TBCD: variants seen among roughly 807,000 people sequenced by gnomAD.
TBCD encodes the protein tubulin folding cofactor D.
Under a neutral mutation model 169.3 loss-of-function variants are expected in TBCD, and 105 were observed. That is an observed-to-expected ratio of 0.62 (90% CI 0.53 to 0.73). The LOEUF is 0.73. Ranked by LOEUF, TBCD falls within the 30% of genes least tolerant of loss-of-function variation. TBCD has a pLI of 0.00. For missense variants in TBCD, 1,444 were observed against 1,600.1 expected (o/e 0.90, Z 1.66); for synonymous variants, 700 against 643.9 (o/e 1.09, Z -1.32).
intron 13 of TBCD, among the ~76,000 whole-genome samples, chr17:82,847,333 A>G (rs2145579295): frequency 6.7e-6 from 1 of 150,004 alleles, no homozygotes; most frequent in African/African-American, 2.5e-5. Context: ...AGCCTGGGCA[A>G]CAGAGCGAGA....
At position 82,908,272 on chromosome 17, in the gene TBCD, G is replaced by A. The variant is rs777594084; in HGVS notation, c.1983+451G>A. ...TGGTGGAGTTGGGGGCACACAGAAC[G>A]AGCACAGAAGCCTCTGGTTTCCAGC... On this transcript the variant is annotated intron_variant, in intron 21 of 38. Coordinates refer to ENST00000355528, the MANE Select transcript of TBCD (RefSeq NM_005993.5). 9.2e-5 allele frequency: 42 copies of A among 456,534 alleles called. 1 individual carries two copies. The highest frequency in any genetic ancestry group is 6.5e-4 in the South Asian group (42 of 64,502). The allele number at this position is 456,534 out of a possible 1,614,324, so 28.3% of individuals were successfully genotyped here.
At chr17:82,921,246 C>A in intron 24 of TBCD, 1 of 539,328 alleles carries the variant, frequency 1.9e-6, no homozygotes, top group Non-Finnish European at 3.3e-6. Context: ...AAAAGTTTCC[C>A]AAAATGTGAT....
intron 20 of TBCD, 95 bp downstream of exon 20, chr17:82,906,148 C>A: frequency 4.1e-6 from 4 of 984,086 alleles, no homozygotes; most frequent in East Asian, 2.7e-5. Flanking sequence ...TCTCTCATCC[C>A]TTCTCATTTT....
rs574723455 is a variant in TBCD, at chr17:82,872,498, G to A, written c.1475+2118G>A. On this transcript the variant is annotated intron_variant, in intron 14 of 38. Transcript: ENST00000355528. Reference sequence around the variant, plus strand: ...CCTGCCGAGCTCCTGAGGCCCTGCCGCGTGCCTGTGCCAGCCTGCAGCGCT... The same window carrying A: ...CCTGCCGAGCTCCTGAGGCCCTGCCACGTGCCTGTGCCAGCCTGCAGCGCT... Among the ~76,000 whole-genome samples, 19 of 152,164 alleles carry A rather than the reference G, an allele frequency of 1.2e-4. No homozygotes were observed. The South Asian group carries it at 3.7e-3, about 30-fold the overall frequency.
At chr17:82,769,395 C>T (rs2048188692) in intron 5 of TBCD, among the ~76,000 whole-genome samples, 1 of 152,184 alleles carries the variant, frequency 6.6e-6, no homozygotes, top group African/African-American at 2.4e-5. Context: ...AGCAGCAAGT[C>T]ACCGAGTCCA....
chr17:82,856,611 A>C (rs1217680433), intron 13 of TBCD, among the ~76,000 whole-genome samples: 2 of 152,200 alleles, frequency 1.3e-5, no homozygotes, highest in Non-Finnish European at 2.9e-5. Flanking sequence ...GTTGACGGAC[A>C]CTTAAGTTTT....
At chr17:82,823,204 G>C (rs948313327) in intron 13 of TBCD, among the ~76,000 whole-genome samples, 2 of 152,190 alleles carry the variant, frequency 1.3e-5, no homozygotes, top group East Asian at 1.9e-4. Flanking sequence ...CTTGTGGGGG[G>C]CCCTGCTGTC....
At chr17:82,918,068 T>C (rs1163635973) in intron 23 of TBCD, among the ~76,000 whole-genome samples, 2 of 151,806 alleles carry the variant, frequency 1.3e-5, no homozygotes, top group East Asian at 1.9e-4. Flanking sequence ...CAGGAAGTTA[T>C]GAGATTAGTA....
At chr17:82,901,513 G>A (rs1567994982) in intron 18 of TBCD, among the ~76,000 whole-genome samples, 1 of 150,168 alleles carries the variant, frequency 6.7e-6, no homozygotes, top group Admixed American at 6.6e-5. Flanking sequence ...GAGCGGCCCG[G>A]CTGCCTACTG....
chr17:82,756,344 C>A, intron 2 of TBCD, 129 bp downstream of exon 2: 1 of 1,006,788 alleles, frequency 9.9e-7, no homozygotes, highest in Non-Finnish European at 1.5e-6. Flanking sequence ...TCTTGCTTGC[C>A]TGGCTGGTTG....
intron 35 of TBCD, 54 bp downstream of exon 35, chr17:82,937,414 T>C (rs977736128): frequency 6.5e-7 from 1 of 1,537,094 alleles, no homozygotes; most frequent in Non-Finnish European, 9.0e-7. Flanking sequence ...CAGCCTCCCT[T>C]GGCTGAGGGC....
At chr17:82,939,792 C>A (rs1236774055) in intron 37 of TBCD, among the ~76,000 whole-genome samples, 1 of 152,190 alleles carries the variant, frequency 6.6e-6, no homozygotes, top group African/African-American at 2.4e-5. Flanking sequence ...GAAGGCCTGG[C>A]AGGTGCTGCT....
rs573255608 is a variant in TBCD, at chr17:82,915,368, C to G, written c.2038+3579C>G. Among the ~76,000 whole-genome samples, 1 of 152,306 alleles carries G rather than the reference C, an allele frequency of 6.6e-6. No individual in the cohort carries two copies. Among genetic ancestry groups the G allele is most frequent in the East Asian group, 1.9e-4 (1 of 5,184 alleles). On this transcript the variant is annotated intron_variant, in intron 23 of 38. Transcript: ENST00000355528. The surrounding 1 kb of genome is among the most constrained non-coding windows in gnomAD (Gnocchi z 4.3). ...CTGCGTCCCCATATCAAAGAAATGT[C>G]ATACAGGTTGGCCTTTGTCGTGAAT...
chr17:82,762,651 A>G lies in TBCD; in HGVS notation c.236-1314A>G, dbSNP rs537961600. Among the ~76,000 whole-genome samples, 3 of 152,160 alleles carry G rather than the reference A, an allele frequency of 2.0e-5. No individual in the cohort carries two copies. In the South Asian group the frequency reaches 6.2e-4, roughly 32 times the overall value. On this transcript the variant is annotated intron_variant, in intron 2 of 38. Transcript: ENST00000355528. Reference sequence around the variant, plus strand: ...GTAGTCCCAGCTACTCAGGAGGCTGAGGCACGAGAATTACTTGAATGTGGG... The same window carrying G: ...GTAGTCCCAGCTACTCAGGAGGCTGGGGCACGAGAATTACTTGAATGTGGG...
chr17:82,832,476 T>A lies in TBCD; in HGVS notation c.1318+17542T>A. On this transcript the variant is annotated intron_variant, in intron 13 of 38. Transcript: ENST00000355528. This position sits in a 1 kb window ranked among gnomAD's most constrained non-coding sequence, Gnocchi z 4.9. The stretch of plus-strand genomic sequence containing the variant: ...TCATTTTCCTCCTTATGCCTTGGAC[T>A]CTGGCTGTCCAGGTGGCGTGATCAC... 1.9e-6 allele frequency: 3 copies of A among 1,599,616 alleles called. No individual in the cohort carries two copies. Among genetic ancestry groups the A allele is most frequent in the Non-Finnish European group, 2.6e-6 (3 of 1,175,088 alleles).
intron 32 of TBCD, 141 bp downstream of exon 32, chr17:82,929,641 C>T (rs2062036735): frequency 1.7e-6 from 2 of 1,188,274 alleles, no homozygotes; most frequent in South Asian, 1.3e-5. Context: ...GTTAGGGGGT[C>T]AGGGGCCCAG....
intron 7 of TBCD, among the ~76,000 whole-genome samples, chr17:82,783,347 G>C (rs958058613): frequency 1.3e-5 from 2 of 152,238 alleles, no homozygotes; most frequent in Non-Finnish European, 2.9e-5. Flanking sequence ...AAATGTGACA[G>C]ATTCAGCAGT....
At chr17:82,898,159 G>T (rs916300116) in intron 17 of TBCD, among the ~76,000 whole-genome samples, 1 of 150,208 alleles carries the variant, frequency 6.7e-6, no homozygotes, top group African/African-American at 2.5e-5. Context: ...GCCCCCGTGG[G>T]TTTTGGTGGG....
At chr17:82,843,536 A>C (rs1598872258) in intron 13 of TBCD, among the ~76,000 whole-genome samples, 1 of 93,190 alleles carries the variant, frequency 1.1e-5, no homozygotes, top group African/African-American at 4.7e-5. Flanking sequence ...CTCACCATCC[A>C]GCTTACTTAC....
Sources: gnomAD v4.1 joint callset for allele counts (sites outside exome capture counted in the v4.1 genomes callset) on GRCh38, gnomAD v4.1.1 for gene constraint, Gnocchi (gnomAD v3.1) non-coding constraint, MANE v1.5 for transcripts, NCBI Gene and HGNC (gene_info 2026-07-23, HGNC 2026-07-21) for gene names.